ARHGAP28: variants seen among roughly 807,000 people sequenced by gnomAD.
ARHGAP28 encodes rho GTPase-activating protein 28.
A neutral mutation model predicts 90.7 loss-of-function variants in ARHGAP28; 56 were observed. That is an observed-to-expected ratio of 0.62 (90% CI 0.50 to 0.77). The LOEUF (loss-of-function observed/expected upper bound fraction) is 0.77. Ranked by LOEUF, ARHGAP28 falls within the 30% of genes least tolerant of loss-of-function variation. ARHGAP28 has a pLI of 0.00. For missense variants in ARHGAP28, 869 were observed against 900.9 expected (o/e 0.96, Z 0.45); for synonymous variants, 308 against 323.3 (o/e 0.95, Z 0.51).
chr18:6,783,273 TC>T (rs929960152), intron 1 of ARHGAP28, among the ~76,000 whole-genome samples: 1 of 151,866 alleles, frequency 6.6e-6, no homozygotes, highest in African/African-American at 2.4e-5. Flanking sequence ...CCTCGAGAAG[TC>T]CAGACTCTTT....
chr18:6,870,779 A>C, intron 7 of ARHGAP28, 47 bp downstream of exon 7: 1 of 1,543,994 alleles, frequency 6.5e-7, no homozygotes, highest in Non-Finnish European at 8.7e-7. Flanking sequence ...CTGTGACTTC[A>C]TAGGACAAAA....
chr18:6,855,906 T>C (rs890767970), intron 4 of ARHGAP28, among the ~76,000 whole-genome samples: 2 of 152,326 alleles, frequency 1.3e-5, no homozygotes, highest in Non-Finnish European at 2.9e-5. Context: ...CTGACGTGCC[T>C]GGCTCTGTGC....
chr18:6,792,580 A>C (rs1406699403), intron 1 of ARHGAP28, among the ~76,000 whole-genome samples: 3 of 152,236 alleles, frequency 2.0e-5, no homozygotes, highest in Non-Finnish European at 2.9e-5. Context: ...ACGCTCCCAC[A>C]GCATTCCAGA....
At chr18:6,874,884 C>T (rs1381700505) in intron 9 of ARHGAP28, 2 of 152,198 alleles carry the variant, frequency 1.3e-5, no homozygotes, top group Admixed American at 6.5e-5. Flanking sequence ...CTGGTGTTAC[C>T]ACTGCCCTTT....
chr18:6,837,876 C>G (rs1380615317), intron 3 of ARHGAP28, among the ~76,000 whole-genome samples: 1 of 152,058 alleles, frequency 6.6e-6, no homozygotes, highest in Non-Finnish European at 1.5e-5. Context: ...ATGGAAGATA[C>G]CAGCATTAAT....
rs1327394642 is a variant in ARHGAP28, at chr18:6,841,140, CACTG to C, written c.543+3727_543+3730del. On this transcript the variant is annotated intron_variant, in intron 3 of 17. Transcript: ENST00000383472. ...TCTCTTCTCTCTCTCTCTCCTCTCTCACTGTCTCTCTCCTCTTTCTCTCTCTCCT... is the reference window on the plus strand; with the variant it reads ...TCTCTTCTCTCTCTCTCTCCTCTCTCTCTCTCTCCTCTTTCTCTCTCTCCT... Among the ~76,000 whole-genome samples the C allele has an allele frequency of 1.2e-3, 159 of 138,256 alleles. 3 individuals are homozygous for C. The highest frequency in any genetic ancestry group is 4.2e-3 in the African/African-American group (149 of 35,424). 90.7% of individuals were successfully genotyped at this position (138,256 alleles called of 152,430 possible). A position where few individuals can be genotyped will look rare whatever the true frequency, so the allele number is the denominator to read the frequency against.
At chr18:6,787,206 G>A (rs1345807166) in intron 1 of ARHGAP28, among the ~76,000 whole-genome samples, 1 of 123,182 alleles carries the variant, frequency 8.1e-6, no homozygotes, top group Admixed American at 9.6e-5. Flanking sequence ...GGCAACAAGA[G>A]CGAAACTCCA....
At chr18:6,776,037 G>A (rs11081271) in intron 1 of ARHGAP28, among the ~76,000 whole-genome samples, 46,090 of 151,954 alleles carry the variant, frequency 0.3, 7,489 homozygotes, top group East Asian at 0.66. Flanking sequence ...AAGCAAGTAG[G>A]AACTTTTACA....
Position 6,898,289 on chromosome 18 carries a change from CG to C in ARHGAP28, c.2030+1664del, listed in dbSNP as rs145098765. Reference sequence around the variant, plus strand: ...AGGAAGGCATGCTGATGGCCTCAAACGTTTTTTTTCTCCTTTTGGTATTAGA... The same window carrying C: ...AGGAAGGCATGCTGATGGCCTCAAACTTTTTTTTCTCCTTTTGGTATTAGA... On this transcript the variant is annotated intron_variant, in intron 16 of 17. Transcript: ENST00000383472. 1,557 of 477,152 alleles carry C rather than the reference CG, an allele frequency of 3.3e-3. 22 individuals are homozygous for C. Among genetic ancestry groups the C allele is most frequent in the African/African-American group, 0.029 (1,429 of 49,722 alleles). The allele number at this position is 477,152 out of a possible 1,614,324, so 29.6% of individuals were successfully genotyped here. A position where few individuals can be genotyped will look rare whatever the true frequency, so the allele number is the denominator to read the frequency against.
intron 2 of ARHGAP28, among the ~76,000 whole-genome samples, chr18:6,833,183 A>G (rs992558786): frequency 2.0e-5 from 3 of 152,082 alleles, no homozygotes; most frequent in African/African-American, 4.8e-5. Context: ...GTAACTTGCC[A>G]TCCTGATGCT....
chr18:6,857,659 C>T (rs1050233481), intron 4 of ARHGAP28, among the ~76,000 whole-genome samples: 1 of 152,118 alleles, frequency 6.6e-6, no homozygotes, highest in Non-Finnish European at 1.5e-5. Flanking sequence ...CTATCAGAAT[C>T]TTTTACAGCA....
intron 14 of ARHGAP28, among the ~76,000 whole-genome samples, chr18:6,893,518 A>G (rs964068387): frequency 7.2e-5 from 11 of 152,212 alleles, no homozygotes; most frequent in Non-Finnish European, 4.4e-5. Context: ...CTGGAAAACC[A>G]TAACAGTATA....
At chr18:6,862,547 G>A (rs1159330550) in intron 5 of ARHGAP28, among the ~76,000 whole-genome samples, 1 of 152,192 alleles carries the variant, frequency 6.6e-6, no homozygotes, top group Admixed American at 6.5e-5. Context: ...CACCAGGTTT[G>A]CAGATGTCTG....
intron 5 of ARHGAP28, among the ~76,000 whole-genome samples, chr18:6,860,482 G>T (rs2056988901): frequency 6.6e-6 from 1 of 152,100 alleles, no homozygotes; most frequent in South Asian, 2.1e-4. Flanking sequence ...CAGGAGCTCT[G>T]CAGGGAGGAT....
intron 1 of ARHGAP28, among the ~76,000 whole-genome samples, chr18:6,730,947 T>C (rs4078165): frequency 0.27 from 40,497 of 152,168 alleles, 6,186 homozygotes; most frequent in South Asian, 0.33. Context: ...GTGATTTTAA[T>C]TGATTTCCTA....
intron 14 of ARHGAP28, among the ~76,000 whole-genome samples, chr18:6,891,036 A>G (rs190307238): frequency 1.3e-5 from 2 of 152,362 alleles, no homozygotes; most frequent in Admixed American, 6.5e-5. Flanking sequence ...AATGCCAACA[A>G]GTTTTAGAAG....
intron 1 of ARHGAP28, among the ~76,000 whole-genome samples, chr18:6,755,167 T>G (rs1331315288): frequency 6.6e-6 from 1 of 152,094 alleles, no homozygotes; most frequent in Non-Finnish European, 1.5e-5. Flanking sequence ...AGTGAGACTC[T>G]GTCTTAAAGC....
Position 6,890,163 on chromosome 18 carries a change from C to T in ARHGAP28, c.1734+78C>T. ...ACATAAAGCCTCCATGATTGGGCAA[C>T]TCCCTTGGTCATAGGGAAGAAATAT... On this transcript the variant is annotated intron_variant, in intron 13 of 17. Coordinates refer to ENST00000383472, the MANE Select transcript of ARHGAP28 (RefSeq NM_001366230.1). The T allele has an allele frequency of 2.7e-6, 4 of 1,501,498 alleles. No individual in the cohort carries two copies. The Admixed American group carries it at 6.9e-5, about 26-fold the overall frequency. 93.0% of individuals were successfully genotyped at this position (1,501,498 alleles called of 1,614,324 possible).
At chr18:6,804,665 T>C (rs572255423) in intron 1 of ARHGAP28, among the ~76,000 whole-genome samples, 1 of 152,342 alleles carries the variant, frequency 6.6e-6, no homozygotes, top group East Asian at 1.9e-4. Flanking sequence ...TTTTGATCCA[T>C]TGGGTAATTA....
Sources: gnomAD v4.1 joint callset for allele counts (sites outside exome capture counted in the v4.1 genomes callset) on GRCh38, gnomAD v4.1.1 for gene constraint, MANE v1.5 for transcripts, NCBI Gene and HGNC (gene_info 2026-07-23, HGNC 2026-07-21) for gene names.